The following CENPW variants were observed in gnomAD, a reference collection of about 807,000 sequenced individuals.
CENPW encodes cancer-up-regulated gene 2 protein.
Under a neutral mutation model 11.1 loss-of-function variants are expected in CENPW, and 3 were observed. The ratio of observed to expected loss-of-function variants is 0.27; its 90% CI spans 0.12 to 0.70. The LOEUF is 0.70. CENPW is among the 30% of genes least tolerant of loss of function. CENPW has a pLI of 0.77. For missense variants in CENPW, 100 were observed against 105.6 expected (o/e 0.95, Z 0.23); for synonymous variants, 38 against 42.0 (o/e 0.91, Z 0.37).
the CENPW span, among the ~76,000 whole-genome samples, chr6:126,465,862 A>G: frequency 1.3e-5 from 2 of 152,146 alleles, no homozygotes; most frequent in African/African-American, 4.8e-5. Context: ...TTATATTCAC[A>G]GACAGTATTA....
At chr6:126,415,509 C>T in the CENPW span, among the ~76,000 whole-genome samples, 1 of 152,030 alleles carries the variant, frequency 6.6e-6, no homozygotes, top group Admixed American at 6.6e-5. Context: ...ATCACAGGTC[C>T]ACATTCACAG....
chr6:126,407,105 C>T, the CENPW span, among the ~76,000 whole-genome samples: 3 of 152,040 alleles, frequency 2.0e-5, no homozygotes, highest in Non-Finnish European at 4.4e-5. Flanking sequence ...CCCAACAGTC[C>T]CCATTGTGTC....
chr6:126,378,676 G>C, the CENPW span, among the ~76,000 whole-genome samples: 1 of 152,114 alleles, frequency 6.6e-6, no homozygotes, highest in African/African-American at 2.4e-5. Flanking sequence ...TATGTGGAAG[G>C]TATAACCTAA....
the CENPW span, among the ~76,000 whole-genome samples, chr6:126,470,285 G>A: frequency 6.6e-6 from 1 of 152,202 alleles, no homozygotes; most frequent in African/African-American, 2.4e-5. Context: ...AGCTAAAAGA[G>A]GCAAATGTAC....
the CENPW span, among the ~76,000 whole-genome samples, chr6:126,451,446 T>G: frequency 3.3e-5 from 5 of 151,082 alleles, no homozygotes; most frequent in African/African-American, 1.2e-4. Flanking sequence ...GAAAGAGAGA[T>G]CTCTAGGAAA....
chr6:126,376,518 G>A, the CENPW span, among the ~76,000 whole-genome samples: 2 of 152,062 alleles, frequency 1.3e-5, no homozygotes, highest in African/African-American at 4.8e-5. Context: ...TTTAAAGGTA[G>A]CAACTCAGGA....
chr6:126,470,676 C>A, the CENPW span, among the ~76,000 whole-genome samples: 2 of 152,342 alleles, frequency 1.3e-5, no homozygotes, highest in South Asian at 4.1e-4. Flanking sequence ...TAAAAGCAGC[C>A]ACGGGGGCTG....
At chr6:126,430,296 G>GATAACTCTTATAACTTTATAA in the CENPW span, among the ~76,000 whole-genome samples, 2 of 152,058 alleles carry the variant, frequency 1.3e-5, no homozygotes, top group African/African-American at 4.8e-5. Flanking sequence ...ACACAATTTG[G>GATAACTCTTATAACTTTATAA]CTTTATAACT....
chr6:126,471,692 C>A, the CENPW span, among the ~76,000 whole-genome samples: 41 of 151,850 alleles, frequency 2.7e-4, no homozygotes, highest in Non-Finnish European at 5.3e-4. Flanking sequence ...GTAGAAAAAA[C>A]CAGATATACA....
At chr6:126,373,503 A>C in the CENPW span, among the ~76,000 whole-genome samples, 1 of 152,250 alleles carries the variant, frequency 6.6e-6, no homozygotes, top group South Asian at 2.1e-4. Flanking sequence ...GACAGCAGCA[A>C]GTATTTCTCA....
the CENPW span, among the ~76,000 whole-genome samples, chr6:126,453,258 A>T: frequency 6.6e-6 from 1 of 151,164 alleles, no homozygotes; most frequent in African/African-American, 2.4e-5. Flanking sequence ...ACACATAGTC[A>T]TCAGATTCCC....
At chr6:126,380,091 CA>C in the CENPW span, among the ~76,000 whole-genome samples, 2 of 152,122 alleles carry the variant, frequency 1.3e-5, no homozygotes, top group African/African-American at 4.8e-5. Context: ...AGTGACTTGC[CA>C]GGGGAATTGC....
the CENPW span, among the ~76,000 whole-genome samples, chr6:126,411,346 G>A: frequency 1.3e-5 from 2 of 152,174 alleles, no homozygotes; most frequent in African/African-American, 4.8e-5. Context: ...GTGCTTTTAT[G>A]TCTTTCTATT....
chr6:126,375,351 GT>G, the CENPW span, among the ~76,000 whole-genome samples: 1 of 152,214 alleles, frequency 6.6e-6, no homozygotes, highest in Non-Finnish European at 1.5e-5. Flanking sequence ...GCATTTGAAT[GT>G]TCTGAGCAGG....
chr6:126,373,106 CATA>C, the CENPW span, among the ~76,000 whole-genome samples: 1 of 152,006 alleles, frequency 6.6e-6, no homozygotes, highest in East Asian at 1.9e-4. Context: ...TAAATGGTAG[CATA>C]ATAATGTTTC....
the CENPW span, among the ~76,000 whole-genome samples, chr6:126,399,288 G>A: frequency 2.6e-5 from 4 of 151,902 alleles, no homozygotes; most frequent in Admixed American, 6.6e-5. Flanking sequence ...TATTATTTTG[G>A]TTGAATTCAT....
chr6:126,358,934 A>C, the CENPW span, among the ~76,000 whole-genome samples: 1 of 151,296 alleles, frequency 6.6e-6, no homozygotes, highest in African/African-American at 2.4e-5. Context: ...TTCTTCTCTT[A>C]TTTTAGTTAT....
At chr6:126,449,770 A>G in the CENPW span, among the ~76,000 whole-genome samples, 1 of 151,086 alleles carries the variant, frequency 6.6e-6, no homozygotes, top group African/African-American at 2.4e-5. Context: ...GCCTTCTATA[A>G]ATATCCTTGC....
At chr6:126,351,243 C>A (rs1414085012), downstream of CENPW, among the ~76,000 whole-genome samples, 1 of 151,686 alleles carries the variant, frequency 6.6e-6, no homozygotes, top group Admixed American at 6.6e-5. Context: ...TGATACCACA[C>A]AGCCAAAAGC....
Sources: allele counts gnomAD v4.1 joint callset (sites outside exome capture counted in the v4.1 genomes callset), GRCh38; gene constraint gnomAD v4.1.1; transcripts MANE v1.5; gene names NCBI Gene and HGNC (gene_info 2026-07-23, HGNC 2026-07-21).